Variants in KCNU1 observed in about 807,000 individuals in gnomAD.
The protein encoded by KCNU1 is potassium calcium-activated channel subfamily U member 1.
Under a neutral mutation model 126.8 loss-of-function variants are expected in KCNU1, and 93 were observed. The ratio of observed to expected loss-of-function variants is 0.73; its 90% confidence interval spans 0.62 to 0.87. The LOEUF (loss-of-function observed/expected upper bound fraction) is 0.87, where lower values mean the gene tolerates loss of function less well. KCNU1 is among the 40% of genes least tolerant of loss of function. The probability of loss-of-function intolerance (pLI) is 0.00; values close to 1 mark genes in which losing one functional copy is unlikely to be tolerated. For missense variants in KCNU1, 1,330 were observed against 1,367.1 expected (o/e 0.97, Z 0.43); for synonymous variants, 523 against 494.2 (o/e 1.06, Z -0.77).
chr8:36,907,865 GA>G (rs1426108117), intron 20 of KCNU1, among the ~76,000 whole-genome samples: 2 of 152,120 alleles, frequency 1.3e-5, no homozygotes, highest in African/African-American at 4.8e-5. Flanking sequence ...GTCCTCCTTT[GA>G]AAATATAGAA....
chr8:36,914,595 C>A (rs1238503066), intron 22 of KCNU1, among the ~76,000 whole-genome samples: 1 of 151,710 alleles, frequency 6.6e-6, no homozygotes, highest in East Asian at 1.9e-4. Flanking sequence ...TTGGATGAGG[C>A]GGGGGGTTTT....
intron 16 of KCNU1, among the ~76,000 whole-genome samples, chr8:36,844,328 C>T (rs1372524847): frequency 1.3e-5 from 2 of 151,090 alleles, no homozygotes; most frequent in East Asian, 3.9e-4. Flanking sequence ...TGCAGTGAGC[C>T]GAGATCATGC....
chr8:36,885,553 C>A (rs1373078787), intron 19 of KCNU1, among the ~76,000 whole-genome samples: 4 of 151,842 alleles, frequency 2.6e-5, no homozygotes, highest in Non-Finnish European at 5.9e-5. Flanking sequence ...AACTCTGTCT[C>A]AAATTAAAAA....
chr8:36,886,693 T>C (rs986552541), intron 19 of KCNU1, among the ~76,000 whole-genome samples: 1 of 152,180 alleles, frequency 6.6e-6, no homozygotes, highest in Non-Finnish European at 1.5e-5. Flanking sequence ...GTTTTTTGGT[T>C]ATATGGATGA....
chr8:36,877,338 T>A (rs1806311951), intron 19 of KCNU1, among the ~76,000 whole-genome samples: 1 of 151,758 alleles, frequency 6.6e-6, no homozygotes, highest in South Asian at 2.1e-4. Flanking sequence ...GTTTCACTCT[T>A]GTCGCCCAGG....
Position 36,930,711 on chromosome 8 carries a change from G to A in KCNU1, c.2737-240G>A, listed in dbSNP as rs967486172. Among the ~76,000 whole-genome samples, 16 of 152,138 alleles carry A rather than the reference G, an allele frequency of 1.1e-4. No individual in the cohort carries two copies. In the East Asian group the frequency reaches 3.1e-3, roughly 29 times the overall value. ...TTATCCATTTTCTTCTTCATCCGAA[G>A]TGTAATCTCCAAGGAACAGGAACTG... On this transcript the variant is annotated intron_variant, in intron 24 of 26. Transcript: ENST00000399881.
rs942200627 is a variant in KCNU1 at position 36,814,257 on chromosome 8, A to G, written c.783A>G (p.Ile261Met). Reference protein sequence around the residue: ...PWLKGRNSQNISYFESIYLVM... With the variant: ...PWLKGRNSQNMSYFESIYLVM... ...TCAAAGGTAGAAATTCACAGAATAT[A>G]TCATATTTTGAGTCAATTTACCTGG... The change falls in exon 8 of 27, where the codon ATA (isoleucine) becomes ATG (methionine). Residue 261 changes from isoleucine to methionine, a missense_variant. Around this residue, in one of 3 missense-constraint regions of KCNU1, gnomAD observed 29 missense variants for 57.8 expected, o/e 0.50. Transcript: ENST00000399881. The G allele has an allele frequency of 1.2e-6, 2 of 1,613,266 alleles. No individual in the cohort carries two copies. Among genetic ancestry groups the G allele is most frequent in the Non-Finnish European group, 1.7e-6 (2 of 1,179,400 alleles).
At chr8:36,913,092 A>G (rs1807951389) in intron 22 of KCNU1, among the ~76,000 whole-genome samples, 1 of 151,906 alleles carries the variant, frequency 6.6e-6, no homozygotes. Flanking sequence ...TCCTGTTATT[A>G]CTATTATTGA....
chr8:36,933,574 G>T (rs1315699127), intron 26 of KCNU1, among the ~76,000 whole-genome samples: 1 of 152,080 alleles, frequency 6.6e-6, no homozygotes, highest in Non-Finnish European at 1.5e-5. Flanking sequence ...AGAGGTTACA[G>T]TCTAGAGACA....
At position 36,935,636 on chromosome 8, in the gene KCNU1, T is replaced by A. The variant is rs1395139882; in HGVS notation, c.3166T>A (p.Tyr1056Asn). The change falls in exon 27 of 27, where the codon TAT becomes AAT. Residue 1056 changes from tyrosine (Y) to asparagine (N), a missense_variant. Tyr to Asn is a moderately radical substitution (Grantham distance 143, BLOSUM62 -2). Transcript: ENST00000399881. ...TGAAGAGTTCTCATTGCAAAAGTCA[T>A]ATGAAATTGTAAATAAAGCATCACA... ...RNEEFSLQKSYEIVNKASQTT... is the reference protein window; with the variant it reads ...RNEEFSLQKSNEIVNKASQTT... 1 of 1,613,496 alleles carries A rather than the reference T, an allele frequency of 6.2e-7. No homozygotes were observed. Among genetic ancestry groups the A allele is most frequent in the South Asian group, 1.1e-5 (1 of 91,074 alleles).
intron 1 of KCNU1, among the ~76,000 whole-genome samples, chr8:36,784,990 C>A (rs1051745363): frequency 1.3e-5 from 2 of 152,224 alleles, no homozygotes; most frequent in African/African-American, 4.8e-5. Flanking sequence ...ACATCAACAT[C>A]AACCTTGCTT....
intron 20 of KCNU1, among the ~76,000 whole-genome samples, chr8:36,907,667 A>C (rs557906052): frequency 1.3e-5 from 2 of 152,168 alleles, no homozygotes. Flanking sequence ...GAAATGTCAG[A>C]TGTTACTTAT....
chr8:36,917,674 C>CTCTTACATT (rs2117564234), intron 22 of KCNU1, among the ~76,000 whole-genome samples: 1 of 152,130 alleles, frequency 6.6e-6, no homozygotes, highest in South Asian at 2.1e-4. Context: ...CATTTCTTTC[C>CTCTTACATT]TCTTACATTT....
intron 18 of KCNU1, among the ~76,000 whole-genome samples, chr8:36,860,981 G>A (rs753520139): frequency 6.6e-6 from 1 of 151,178 alleles, no homozygotes; most frequent in Non-Finnish European, 1.5e-5. Context: ...CCCAGCCAAC[G>A]TTTCCTAGGG....
intron 19 of KCNU1, among the ~76,000 whole-genome samples, chr8:36,874,786 G>A (rs1246480916): frequency 3.3e-5 from 5 of 152,100 alleles, no homozygotes; most frequent in Non-Finnish European, 7.4e-5. Flanking sequence ...AGTATGGAGT[G>A]TGTAACAGTC....
chr8:36,816,952 A>G (rs1239888458), intron 9 of KCNU1, among the ~76,000 whole-genome samples: 1 of 152,152 alleles, frequency 6.6e-6, no homozygotes. Flanking sequence ...ACAAACAACA[A>G]CAACAACAAC....
At chr8:36,932,420 C>T (rs1280346437) in intron 25 of KCNU1, among the ~76,000 whole-genome samples, 1 of 152,050 alleles carries the variant, frequency 6.6e-6, no homozygotes, top group Non-Finnish European at 1.5e-5. Flanking sequence ...TCTTGCTGAG[C>T]CCATTTGCTG....
At chr8:36,883,056 T>C (rs948248194) in intron 19 of KCNU1, among the ~76,000 whole-genome samples, 11 of 152,258 alleles carry the variant, frequency 7.2e-5, no homozygotes, top group Non-Finnish European at 1.6e-4. Context: ...GTTCTTAGCA[T>C]CTTCTGAATA....
At chr8:36,935,387 T>TGAAGC in intron 26 of KCNU1, 128 bp from the exon 27 acceptor site, 1 of 704,062 alleles carries the variant, frequency 1.4e-6, no homozygotes, top group East Asian at 2.5e-5. Context: ...CAGAAACCCA[T>TGAAGC]GAAGCAAAAC....
Sources: allele counts gnomAD v4.1 joint callset (sites outside exome capture counted in the v4.1 genomes callset), GRCh38; gene constraint gnomAD v4.1.1; regional missense constraint gnomAD v4.1.1; transcripts MANE v1.5; gene names NCBI Gene and HGNC (gene_info 2026-07-23, HGNC 2026-07-21).